Variants in KCNK12 observed in about 807,000 individuals in gnomAD.
KCNK12 encodes the protein potassium two pore domain channel subfamily K member 12.
A neutral mutation model predicts 25.3 loss-of-function variants in KCNK12; 6 were observed. That is an observed-to-expected ratio of 0.24 (90% CI 0.13 to 0.47). KCNK12 has a LOEUF of 0.47. Ranked by LOEUF, KCNK12 falls within the 20% of genes least tolerant of loss-of-function variation. The pLI, the probability that KCNK12 is intolerant of heterozygous loss-of-function variation, is 0.99. For missense variants in KCNK12, 444 were observed against 661.7 expected, an observed-to-expected ratio of 0.67 and a Z score of 3.61; for synonymous variants, 331 against 311.1, an observed-to-expected ratio of 1.06 and a Z score of -0.67.
rs1417594157 is a variant in KCNK12, at chr2:47,528,648, CCTG to C, written c.392-6843_392-6841del. Among the ~76,000 whole-genome samples the C allele has an allele frequency of 6.6e-6, 1 of 152,200 alleles. No individual in the cohort carries two copies. The highest frequency in any genetic ancestry group is 1.5e-5 in the Non-Finnish European group (1 of 68,034). ...GATCTGTCCCTGGGTTCGCACCAAG[CCTG>C]CTATTTTGTTTATGCCACAATTGAT... On this transcript the variant is annotated intron_variant, in intron 1 of 1. Coordinates refer to ENST00000327876, the MANE Select transcript of KCNK12 (RefSeq NM_022055.2). This position sits in a 1 kb window ranked among gnomAD's most constrained non-coding sequence, Gnocchi z 4.5.
chr2:47,518,352 G>T lies in KCNK12; in HGVS notation c.*2555C>A, dbSNP rs1489558350. On this transcript the variant is annotated 3_prime_UTR_variant, in exon 2 of 2. Transcript: ENST00000327876. This position sits in a 1 kb window ranked among gnomAD's most constrained non-coding sequence, Gnocchi z 4.1. ...TCTCTGGGAAGTTGGGAGGTGGGAA[G>T]AGGAAGGGTCTCATTTTCCTGCCCC... The T allele has an allele frequency of 6.6e-6, 1 of 152,234 alleles. No homozygotes were observed. The highest frequency in any genetic ancestry group is 2.4e-5 in the African/African-American group (1 of 41,452). 9.4% of individuals were successfully genotyped at this position (152,234 alleles called of 1,614,324 possible).
chr2:47,542,610 C>T (rs892018260), intron 1 of KCNK12, among the ~76,000 whole-genome samples: 2 of 152,098 alleles, frequency 1.3e-5, no homozygotes, highest in Non-Finnish European at 2.9e-5. Context: ...CTTTCAGGAG[C>T]CTATATTTCA....
rs1451690834 is a variant in KCNK12 at position 47,521,617 on chromosome 2, G to A, written c.583C>T (p.Arg195Cys). ...GCCTCCGAGAGCGCGGAGCCGCGGC[G>A]GAAGGTGGCGGGCAGCAGGCCGCTG... Reference protein sequence around the residue: ...RRSGLLPATFRRGSALSEADS... With the variant: ...RRSGLLPATFCRGSALSEADS... Residue 195 changes from arginine to cysteine, a missense_variant, in exon 2 of 2, where the codon CGC becomes TGC. This residue lies in a region of KCNK12 where 36 missense variants were observed against 36.4 expected (regional missense o/e 0.99). Coordinates refer to ENST00000327876, the MANE Select transcript of KCNK12 (RefSeq NM_022055.2). 5.1e-6 allele frequency: 8 copies of A among 1,575,236 alleles called. No individual in the cohort carries two copies. The highest frequency in any genetic ancestry group is 6.9e-6 in the Non-Finnish European group (8 of 1,161,128).
chr2:47,542,199 G>A (rs938572707), intron 1 of KCNK12, among the ~76,000 whole-genome samples: 28 of 152,316 alleles, frequency 1.8e-4, no homozygotes, highest in African/African-American at 5.1e-4. Context: ...CACTTCTGTC[G>A]AGGCTCTCTC....
chr2:47,524,756 G>A (rs923721735), intron 1 of KCNK12, among the ~76,000 whole-genome samples: 1 of 152,090 alleles, frequency 6.6e-6, no homozygotes, highest in Non-Finnish European at 1.5e-5. Context: ...TACTCATAGT[G>A]AGAAAAAAAT....
chr2:47,531,327 G>C (rs1019302282), intron 1 of KCNK12, among the ~76,000 whole-genome samples: 4 of 152,144 alleles, frequency 2.6e-5, no homozygotes, highest in African/African-American at 9.7e-5. Flanking sequence ...TTGAAAATCA[G>C]CTGGGCGTGG....
chr2:47,562,376 G>A lies in KCNK12; in HGVS notation c.391+7565C>T, dbSNP rs1015668977. ...CTTGGAATGAGATCCTCTGGGATCT[G>A]GAGGAAGCAGATGGAGGAGAAACCC... On this transcript the variant is annotated intron_variant, in intron 1 of 1. Coordinates refer to ENST00000327876, the MANE Select transcript of KCNK12 (RefSeq NM_022055.2). The surrounding 1 kb of genome is among the most constrained non-coding windows in gnomAD (Gnocchi z 4.8). The A allele has an allele frequency of 4.3e-5, 15 of 351,820 alleles. No individual in the cohort carries two copies. The highest frequency in any genetic ancestry group is 7.0e-4 in the Middle Eastern group (1 of 1,426). 21.8% of individuals were successfully genotyped at this position (351,820 alleles called of 1,614,324 possible). A position where few individuals can be genotyped will look rare whatever the true frequency, so the allele number is the denominator to read the frequency against.
At position 47,514,274 on chromosome 2, in the gene KCNK12, G is replaced by A. The variant is rs1408149316; in HGVS notation, c.*6633C>T. ...GGCTGGGTGGCTGCCTCTCTTTGGT[G>A]TGCCCATGGCAGCCCAGAATGCCTG... is the stretch of plus-strand genomic sequence containing the variant. On this transcript the variant is annotated 3_prime_UTR_variant, in exon 2 of 2. Coordinates refer to ENST00000327876, the MANE Select transcript of KCNK12 (RefSeq NM_022055.2). The surrounding 1 kb of genome is among the most constrained non-coding windows in gnomAD (Gnocchi z 5.0). Among the ~76,000 whole-genome samples, 2 of 152,222 alleles carry A rather than the reference G, an allele frequency of 1.3e-5. No homozygotes were observed. Among genetic ancestry groups the A allele is most frequent in the Middle Eastern group, 3.2e-3 (1 of 316 alleles).
At chr2:47,558,365 G>A (rs557273300) in intron 1 of KCNK12, among the ~76,000 whole-genome samples, 1 of 152,354 alleles carries the variant, frequency 6.6e-6, no homozygotes, top group South Asian at 2.1e-4. Flanking sequence ...ACACAGGCAA[G>A]GACCTCTTCC....
chr2:47,570,316 G>A lies in KCNK12; in HGVS notation c.16C>T (p.Pro6Ser). The change falls in exon 1 of 2, where the codon CCC becomes TCC. Residue 6 changes from proline to serine, a missense_variant. Pro to Ser is a moderately conservative substitution (Grantham distance 74). Coordinates refer to ENST00000327876, the MANE Select transcript of KCNK12 (RefSeq NM_022055.2). The stretch of plus-strand genomic sequence containing the variant: ...CGGCTACGGCGGGGCGGGGGCCGGG[G>A]GCTGCGGGAGGACATGGTCCGGAGC... MSSRS[P>S]RPPPRRSRRR... is the part of the protein sequence containing the mutation. The A allele has an allele frequency of 5.2e-6, 7 of 1,333,930 alleles. No homozygotes were observed. Among genetic ancestry groups the A allele is most frequent in the Non-Finnish European group, 6.7e-6 (7 of 1,045,846 alleles). The allele number at this position is 1,333,930 out of a possible 1,614,324, so 82.6% of individuals were successfully genotyped here. A position where few individuals can be genotyped will look rare whatever the true frequency, so the allele number is the denominator to read the frequency against.
At position 47,557,737 on chromosome 2, in the gene KCNK12, A is replaced by G. The variant is rs562469647; in HGVS notation, c.391+12204T>C. Among the ~76,000 whole-genome samples, 37 of 152,252 alleles carry G rather than the reference A, an allele frequency of 2.4e-4. No homozygotes were observed. Among genetic ancestry groups the G allele is most frequent in the African/African-American group, 3.6e-4 (15 of 41,532 alleles). ...GCACCAAGAGGCCCGAACAACTCCA[A>G]TCAGTACAGGTGTATGACCCACTTC... On this transcript the variant is annotated intron_variant, in intron 1 of 1. Transcript: ENST00000327876. The surrounding 1 kb of genome is among the most constrained non-coding windows in gnomAD (Gnocchi z 4.9).
In KCNK12 at chr2:47,521,231, C is replaced by G. The variant is rs775376930; in HGVS notation, c.969G>C (p.Pro323=). 3.1e-6 allele frequency: 5 copies of G among 1,597,924 alleles called. No homozygotes were observed. Among genetic ancestry groups the G allele is most frequent in the African/African-American group, 2.7e-5 (2 of 74,522 alleles). Residue 323 remains proline (P), a synonymous_variant, in exon 2 of 2, where the codon CCG becomes CCC. Transcript: ENST00000327876. ...LSCRCCARCC[P]APGAPLARRN... Reference sequence around the variant, plus strand: ...GCCGGGCCAGGGGCGCGCCAGGAGCCGGGCAGCAGCGCGCGCAGCAGCGGC... The same window carrying G: ...GCCGGGCCAGGGGCGCGCCAGGAGCGGGGCAGCAGCGCGCGCAGCAGCGGC...
intron 1 of KCNK12, among the ~76,000 whole-genome samples, chr2:47,559,511 T>C (rs1453194919): frequency 1.3e-5 from 2 of 152,232 alleles, no homozygotes; most frequent in African/African-American, 2.4e-5. Context: ...TTATGCTCCA[T>C]GATTGACAGA....
Position 47,542,636 on chromosome 2 carries a change from C to T in KCNK12, c.392-20828G>A, listed in dbSNP as rs115241265. Among the ~76,000 whole-genome samples, 468 of 152,248 alleles carry T rather than the reference C, an allele frequency of 3.1e-3. 3 individuals are homozygous for T. The highest frequency in any genetic ancestry group is 1.0e-2 in the African/African-American group (415 of 41,528). The stretch of plus-strand genomic sequence containing the variant: ...CTATATTTCATCTGGGCCCCAGTCA[C>T]ACTACATAGATTTTTGTTTTATCAC... On this transcript the variant is annotated intron_variant, in intron 1 of 1. Coordinates refer to ENST00000327876, the MANE Select transcript of KCNK12 (RefSeq NM_022055.2).
chr2:47,552,636 T>C (rs1669462220), intron 1 of KCNK12, among the ~76,000 whole-genome samples: 1 of 150,136 alleles, frequency 6.7e-6, no homozygotes, highest in Non-Finnish European at 1.5e-5. Context: ...GGCATGGTGG[T>C]GCATGTCTGT....
At chr2:47,545,410 T>C (rs1217188478) in intron 1 of KCNK12, among the ~76,000 whole-genome samples, 4 of 152,216 alleles carry the variant, frequency 2.6e-5, no homozygotes, top group Non-Finnish European at 4.4e-5. Context: ...GCAAAGTAGC[T>C]TCCCCTGAAA....
rs942089635 is a variant in KCNK12, at chr2:47,570,161, G to A, written c.171C>T (p.Phe57=). 10 of 1,477,112 alleles carry A rather than the reference G, an allele frequency of 6.8e-6. No individual in the cohort carries two copies. In the African/African-American group the frequency reaches 8.7e-5, roughly 13 times the overall value. 91.5% of individuals were successfully genotyped at this position (1,477,112 alleles called of 1,614,324 possible). A position where few individuals can be genotyped will look rare whatever the true frequency, so the allele number is the denominator to read the frequency against. Residue 57 remains phenylalanine (F), a synonymous_variant, in exon 1 of 2, where the codon TTC becomes TTT. Transcript: ENST00000327876. ...CCTCGCCGGGGCTCTCGAGCGCCGA[G>A]AAGACTGTGGCACCCGCCACCAGGT... ...GLYLVAGATV[F]SALESPGEAE... is the part of the protein sequence containing the mutation.
intron 1 of KCNK12, among the ~76,000 whole-genome samples, chr2:47,542,674 C>CA (rs1669226618): frequency 6.6e-6 from 1 of 152,168 alleles, no homozygotes; most frequent in African/African-American, 2.4e-5. Context: ...AAATCACTGC[C>CA]ACACTGTGAC....
In KCNK12 at chr2:47,533,248, T is replaced by C. The variant is rs1668976268; in HGVS notation, c.392-11440A>G. ...CTGGTCTCCAACTCCTGACCTCAGG[T>C]GATCTGCCCACCTTGGCCTCCCAAA... On this transcript the variant is annotated intron_variant, in intron 1 of 1. Transcript: ENST00000327876. This position sits in a 1 kb window ranked among gnomAD's most constrained non-coding sequence, Gnocchi z 4.7. 6.8e-6 allele frequency among the ~76,000 whole-genome samples: 1 copy of C among 146,160 alleles called. No homozygotes were observed. The highest frequency in any genetic ancestry group is 1.5e-5 in the Non-Finnish European group (1 of 66,832).
Sources: allele counts gnomAD v4.1 joint callset (sites outside exome capture counted in the v4.1 genomes callset), GRCh38; gene constraint gnomAD v4.1.1; regional missense constraint gnomAD v4.1.1; non-coding constraint Gnocchi (gnomAD v3.1); transcripts MANE v1.5; gene names NCBI Gene and HGNC (gene_info 2026-07-23, HGNC 2026-07-21).